CLDN14: variants seen among roughly 807,000 people sequenced by gnomAD.
CLDN14 encodes the protein claudin 14, also known as claudin-14.
A neutral mutation model predicts 2.1 loss-of-function variants in CLDN14; 2 were observed. The ratio of observed to expected loss-of-function variants is 0.96; its 90% CI spans 0.39 to 3.01. The LOEUF (loss-of-function observed/expected upper bound fraction) is 3.01. Among genes scored for constraint, CLDN14 ranks in the 30% most tolerant of loss-of-function variants. The pLI, the probability that CLDN14 is intolerant of heterozygous loss-of-function variation, is 0.09. For missense variants in CLDN14, 298 were observed against 328.0 expected, an observed-to-expected ratio of 0.91 and a Z score of 0.71; for synonymous variants, 136 against 154.4, an observed-to-expected ratio of 0.88 and a Z score of 0.88.
chr21:36,473,666 C>T (rs568579493), intron 1 of CLDN14, among the ~76,000 whole-genome samples: 7 of 152,272 alleles, frequency 4.6e-5, no homozygotes, highest in Non-Finnish European at 8.8e-5. Flanking sequence ...GTGTCACCAC[C>T]GCATGGAGAT....
intron 1 of CLDN14, among the ~76,000 whole-genome samples, chr21:36,468,462 A>G (rs542137777): frequency 3.9e-4 from 60 of 152,222 alleles, no homozygotes; most frequent in South Asian, 3.7e-3. Context: ...CTGTAATCCC[A>G]GCTACTTGGA....
rs2087062006 is a variant in CLDN14, at chr21:36,498,630, T to C, written c.-82+11733A>G. Among the ~76,000 whole-genome samples the C allele has an allele frequency of 1.3e-5, 2 of 152,208 alleles. No individual in the cohort carries two copies. The highest frequency in any genetic ancestry group is 2.9e-5 in the Non-Finnish European group (2 of 68,038). ...GGGGACGTGGAACTGGTAGGACCGA[T>C]GGCTAAGCTCTCTTCCCCTCCACCC... On this transcript the variant is annotated intron_variant, in intron 2 of 2. Coordinates refer to the CLDN14 transcript ENST00000342108. This position sits in a 1 kb window ranked among gnomAD's most constrained non-coding sequence, Gnocchi z 4.9.
chr21:36,555,218 T>C (rs2087590387), intron 1 of CLDN14, among the ~76,000 whole-genome samples: 1 of 152,088 alleles, frequency 6.6e-6, no homozygotes, highest in South Asian at 2.1e-4. Flanking sequence ...GTATTTGGAG[T>C]GCATGAGGAG....
At chr21:36,530,166 T>C (rs2835385) in intron 1 of CLDN14, among the ~76,000 whole-genome samples, 52,845 of 152,180 alleles carry the variant, frequency 0.35, 10,995 homozygotes, top group African/African-American at 0.59. Flanking sequence ...ATAGAGTTGG[T>C]TTATTTTTAA....
chr21:36,518,075 T>TACACACACACACACACACACAC (rs3030072), intron 1 of CLDN14, among the ~76,000 whole-genome samples: 1 of 148,444 alleles, frequency 6.7e-6, no homozygotes, highest in African/African-American at 2.5e-5. Context: ...CTTACATACG[T>TACACACACACACACACACACAC]ACACACACAC....
chr21:36,550,529 T>A (rs1310028103), intron 1 of CLDN14, among the ~76,000 whole-genome samples: 1 of 152,186 alleles, frequency 6.6e-6, no homozygotes, highest in African/African-American at 2.4e-5. Context: ...CAAATCCTGC[T>A]CATCGCCAGG....
At chr21:36,506,360 G>A (rs548928262) in intron 2 of CLDN14, among the ~76,000 whole-genome samples, 1 of 152,316 alleles carries the variant, frequency 6.6e-6, no homozygotes, top group East Asian at 1.9e-4. Context: ...ATTTTGGGAG[G>A]CCAAGGCAGG....
rs531075054 is a variant in CLDN14, at chr21:36,560,107, G to A, written c.-220+16304C>T. Among the ~76,000 whole-genome samples, 86 of 152,258 alleles carry A rather than the reference G, an allele frequency of 5.6e-4. 1 individual carries two copies. The South Asian group carries it at 0.017, about 30-fold the overall frequency. On this transcript the variant is annotated intron_variant, in intron 1 of 2. Transcript: ENST00000342108. ...ACTTTAGTTGATGGCTGATGTGTATGTAATAATTGTGAACAATTTAAACAG... is the reference window on the plus strand; with the variant it reads ...ACTTTAGTTGATGGCTGATGTGTATATAATAATTGTGAACAATTTAAACAG...
At chr21:36,488,661 T>TGGGGGGGGGGGGGGGGG (rs1246549283) in intron 2 of CLDN14, among the ~76,000 whole-genome samples, 1 of 94,090 alleles carries the variant, frequency 1.1e-5, no homozygotes, top group South Asian at 4.2e-4. Flanking sequence ...GGCGGGGGGG[T>TGGGGGGGGGGGGGGGGG]GGGGAGTTAC....
chr21:36,493,091 G>A (rs1023725599), intron 2 of CLDN14, among the ~76,000 whole-genome samples: 4 of 152,226 alleles, frequency 2.6e-5, no homozygotes, highest in Non-Finnish European at 5.9e-5. Flanking sequence ...AGAGGATACT[G>A]TTGAGCACGT....
chr21:36,561,552 C>T (rs1196360913), intron 1 of CLDN14, among the ~76,000 whole-genome samples: 5 of 152,106 alleles, frequency 3.3e-5, no homozygotes, highest in African/African-American at 9.7e-5. Context: ...CAGTTTAGAG[C>T]CACTAGACCC....
intron 2 of CLDN14, among the ~76,000 whole-genome samples, chr21:36,508,085 A>G (rs1019926552): frequency 8.5e-5 from 13 of 152,346 alleles, no homozygotes; most frequent in African/African-American, 2.9e-4. Context: ...AGTCCTTAGC[A>G]CATTACACTA....
chr21:36,553,198 C>A (rs1375082352), intron 1 of CLDN14, among the ~76,000 whole-genome samples: 3 of 152,206 alleles, frequency 2.0e-5, no homozygotes, highest in Admixed American at 6.5e-5. Context: ...GTTGGAAGGA[C>A]TCCCCTCGAG....
At chr21:36,483,466 A>T (rs1415316984), upstream of CLDN14, among the ~76,000 whole-genome samples, 2 of 152,246 alleles carry the variant, frequency 1.3e-5, no homozygotes, top group Non-Finnish European at 2.9e-5. Context: ...GTCTGGGGTC[A>T]CAGGGTCTGT....
At chr21:36,470,837 A>T (rs935778252) in intron 1 of CLDN14, among the ~76,000 whole-genome samples, 6 of 152,132 alleles carry the variant, frequency 3.9e-5, no homozygotes, top group Admixed American at 3.9e-4. Flanking sequence ...TTAGCTGGGC[A>T]TGGTGGCTCA....
At position 36,492,183 on chromosome 21, in the gene CLDN14, C is replaced by T. The variant is rs940133266; in HGVS notation, c.-82+18180G>A. On this transcript the variant is annotated intron_variant, in intron 2 of 2. Transcript: ENST00000342108. ...GGCGCGGTGGCTCACGCCTGTAATC[C>T]CAGCACTTTGGAAGGCCGAGGCGGG... is the stretch of plus-strand genomic sequence containing the variant. Among the ~76,000 whole-genome samples, 3 of 124,896 alleles carry T rather than the reference C, an allele frequency of 2.4e-5. 1 individual carries two copies. Among genetic ancestry groups the T allele is most frequent in the African/African-American group, 7.4e-5 (2 of 27,048 alleles). The allele number at this position is 124,896 out of a possible 152,430, so 81.9% of individuals were successfully genotyped here. A position where few individuals can be genotyped will look rare whatever the true frequency, so the allele number is the denominator to read the frequency against.
chr21:36,532,060 C>T (rs1366392822), intron 1 of CLDN14: 1 of 152,190 alleles, frequency 6.6e-6, no homozygotes, highest in Non-Finnish European at 1.5e-5. Flanking sequence ...CGTTAAGATG[C>T]TATTTTTCAA....
Position 36,461,513 on chromosome 21 carries a change from G to T in CLDN14, c.183C>A (p.Ile61=). ...WMECVWHSTG[I]YQCQIYRSLL... The stretch of plus-strand genomic sequence containing the variant: ...GGGATCGGTAGATCTGGCACTGGTA[G>T]ATGCCTGTGCTGTGCCACACACACT... The change falls in exon 2 of 2, where the codon ATC becomes ATA. Residue 61 remains isoleucine, a synonymous_variant. Transcript: ENST00000399135. 5 of 1,613,396 alleles carry T rather than the reference G, an allele frequency of 3.1e-6. No individual in the cohort carries two copies. The highest frequency in any genetic ancestry group is 4.2e-6 in the Non-Finnish European group (5 of 1,179,964).
At chr21:36,506,314 C>A (rs78869417) in intron 2 of CLDN14, among the ~76,000 whole-genome samples, 1 of 152,182 alleles carries the variant, frequency 6.6e-6, no homozygotes, top group Non-Finnish European at 1.5e-5. Flanking sequence ...AGAACAAATG[C>A]AGTCAGGTAC....
Sources: gnomAD v4.1 joint callset for allele counts (sites outside exome capture counted in the v4.1 genomes callset) on GRCh38, gnomAD v4.1.1 for gene constraint, Gnocchi (gnomAD v3.1) non-coding constraint, MANE v1.5 for transcripts, NCBI Gene and HGNC (gene_info 2026-07-23, HGNC 2026-07-21) for gene names.